LAMA3: variants seen among roughly 807,000 people sequenced by gnomAD.
LAMA3 encodes the protein laminin subunit alpha-3.
LAMA3 carries 281 observed loss-of-function variants against 402.0 expected under a neutral mutation model. The ratio of observed to expected loss-of-function variants is 0.70; its 90% CI spans 0.63 to 0.77. LAMA3 has a LOEUF of 0.77. Ranked by LOEUF, LAMA3 falls within the 30% of genes least tolerant of loss-of-function variation. The pLI is 0.00. For synonymous variants in LAMA3, 1,431 were observed against 1,558.4 expected, an observed-to-expected ratio of 0.92 and a Z score of 1.93; for missense variants, 3,840 against 4,215.5, an observed-to-expected ratio of 0.91 and a Z score of 2.47.
intron 2 of LAMA3, among the ~76,000 whole-genome samples, chr18:23,723,532 A>G (rs534909216): frequency 1.2e-4 from 19 of 152,212 alleles, no homozygotes; most frequent in Non-Finnish European, 2.6e-4. Flanking sequence ...AGCAAAGAAC[A>G]AAGTCTGGAA....
rs571009750 is a variant in LAMA3, at chr18:23,946,244, C to T, written c.9311C>T (p.Ala3104Val). The T allele has an allele frequency of 3.7e-5, 59 of 1,613,864 alleles. No homozygotes were observed. Among genetic ancestry groups the T allele is most frequent in the South Asian group, 2.9e-4 (26 of 91,066 alleles). ...GGAAACTCCACCATCAGCATCAGAG[C>T]GCCAGTTTACCTGGGATCACCTCCA... ...LPGNSTISIR[A>V]PVYLGSPPSG... The change falls in exon 70 of 75, where the codon GCG becomes GTG. Residue 3104 changes from alanine (A) to valine (V), a missense_variant. By Grantham distance (64) the Ala-to-Val change is moderately conservative. Around this residue, in one of 3 missense-constraint regions of LAMA3, gnomAD observed 840 missense variants for 981.9 expected, o/e 0.86. Transcript: ENST00000313654.
At chr18:23,798,827 T>C (rs987172183) in intron 12 of LAMA3, among the ~76,000 whole-genome samples, 12 of 152,222 alleles carry the variant, frequency 7.9e-5, no homozygotes, top group African/African-American at 2.4e-4. Flanking sequence ...TACAAGATCA[T>C]GGGCAATAAG....
chr18:23,936,975 A>T (rs1176431616), intron 67 of LAMA3, among the ~76,000 whole-genome samples: 1 of 152,182 alleles, frequency 6.6e-6, no homozygotes, highest in Non-Finnish European at 1.5e-5. Context: ...AAGATTAAAG[A>T]TTACTAAGCT....
intron 40 of LAMA3, among the ~76,000 whole-genome samples, chr18:23,884,385 G>C (rs886695605): frequency 1.3e-5 from 2 of 151,022 alleles, no homozygotes; most frequent in African/African-American, 4.9e-5. Context: ...CAAGGAGAAC[G>C]TTTTTTTTTA....
chr18:23,950,810 A>G (rs555180173), intron 72 of LAMA3, among the ~76,000 whole-genome samples: 3 of 152,346 alleles, frequency 2.0e-5, no homozygotes, highest in Admixed American at 6.5e-5. Flanking sequence ...GTAGTCTTTA[A>G]TTAAGTCTGA....
rs1287697004 is a variant in LAMA3, at chr18:23,906,120, T to G, written c.6718+496T>G. 1.3e-5 allele frequency among the ~76,000 whole-genome samples: 2 copies of G among 152,164 alleles called. 1 individual carries two copies. The highest frequency in any genetic ancestry group is 4.8e-5 in the African/African-American group (2 of 41,434). On this transcript the variant is annotated intron_variant, in intron 52 of 74. Transcript: ENST00000313654. ...TTATCAATTTCATGTATCCACCCAA[T>G]ATTCTAAATATTCCCCACCTATCAT... is the stretch of plus-strand genomic sequence containing the variant.
intron 63 of LAMA3, 25 bp from the exon 64 acceptor site, chr18:23,928,600 A>T (rs372591389): frequency 1.9e-6 from 3 of 1,611,580 alleles, no homozygotes; most frequent in African/African-American, 2.7e-5. Context: ...CAATGCCAGT[A>T]ATTTATTCCA....
chr18:23,896,940 T>A (rs1410437788), intron 44 of LAMA3, among the ~76,000 whole-genome samples: 1 of 151,938 alleles, frequency 6.6e-6, no homozygotes, highest in Non-Finnish European at 1.5e-5. Context: ...CAAACATTGT[T>A]AGCAGAGAAG....
chr18:23,841,955 A>T (rs957508844), intron 27 of LAMA3, among the ~76,000 whole-genome samples: 1 of 151,962 alleles, frequency 6.6e-6, no homozygotes, highest in African/African-American at 2.4e-5. Flanking sequence ...TCTTTATTGC[A>T]TGGTTATTAT....
intron 35 of LAMA3, among the ~76,000 whole-genome samples, chr18:23,863,217 G>A (rs2064268821): frequency 6.6e-6 from 1 of 152,242 alleles, no homozygotes; most frequent in Non-Finnish European, 1.5e-5. Context: ...GCCGAGACAA[G>A]CGGATCATCT....
rs1406132870 is a variant in LAMA3, at chr18:23,824,455, C to T, written c.2461C>T (p.Pro821Ser). 38 of 1,613,996 alleles carry T rather than the reference C, an allele frequency of 2.4e-5. No individual in the cohort carries two copies. Among genetic ancestry groups the T allele is most frequent in the Non-Finnish European group, 3.1e-5 (36 of 1,179,972 alleles). ...AAQSKEIIFL[P>S]SKEPAFVTVP... is the part of the protein sequence containing the mutation. Reference sequence around the variant, plus strand: ...TCAAAGCAAAGAGATCATCTTCCTGCCGAGTAAGGAGCCAGCCTTTGTCAC... The same window carrying T: ...TCAAAGCAAAGAGATCATCTTCCTGTCGAGTAAGGAGCCAGCCTTTGTCAC... Residue 821 changes from proline to serine, a missense_variant, in exon 21 of 75, where the codon CCG (proline) becomes TCG (serine). Physicochemically the swap from Pro to Ser is moderately conservative, Grantham distance 74. Coordinates refer to ENST00000313654, the MANE Select transcript of LAMA3 (RefSeq NM_198129.4).
chr18:23,826,755 G>A lies in LAMA3; in HGVS notation c.2625G>A (p.Leu875=). ...ACTATGAAGCCTCTGTACTGCAGCT[G>A]CCAGTCACAGAACCATGTGCCTACG... is the stretch of plus-strand genomic sequence containing the variant. ...RDYYEASVLQ[L]PVTEPCAYAG... Residue 875 remains leucine, a synonymous_variant, in exon 22 of 75, where the codon CTG becomes CTA. Coordinates refer to ENST00000313654, the MANE Select transcript of LAMA3 (RefSeq NM_198129.4). 2 of 1,567,638 alleles carry A rather than the reference G, an allele frequency of 1.3e-6. No individual in the cohort carries two copies. The highest frequency in any genetic ancestry group is 2.3e-5 in the South Asian group (2 of 85,226).
intron 56 of LAMA3, 42 bp from the exon 57 acceptor site, chr18:23,914,368 A>C: frequency 6.2e-7 from 1 of 1,612,846 alleles, no homozygotes; most frequent in Non-Finnish European, 8.5e-7. Context: ...GAATTTGAGA[A>C]ACCACAATGT....
intron 58 of LAMA3, 25 bp downstream of exon 58, chr18:23,914,885 A>G: frequency 6.4e-7 from 1 of 1,568,562 alleles, no homozygotes; most frequent in Non-Finnish European, 8.8e-7. Flanking sequence ...TATTTCACTG[A>G]ATTAAATATT....
At chr18:23,772,374 C>T (rs1726973006) in intron 8 of LAMA3, among the ~76,000 whole-genome samples, 2 of 152,098 alleles carry the variant, frequency 1.3e-5, no homozygotes, top group African/African-American at 2.4e-5. Context: ...CTAGTTGTGT[C>T]GTTGTTATGT....
At chr18:23,748,182 A>G (rs1463878956) in intron 3 of LAMA3, 122 bp downstream of exon 3, 1 of 757,242 alleles carries the variant, frequency 1.3e-6, no homozygotes, top group African/African-American at 1.7e-5. Flanking sequence ...TAATCCCAGC[A>G]TTTTGGAAGG....
Position 23,847,565 on chromosome 18 carries a change from T to C in LAMA3, c.4033T>C (p.Phe1345Leu), listed in dbSNP as rs772175002. Reference sequence around the variant, plus strand: ...GTGTGAGGTGTGTGAGACACACTCATTCAGCTTCCACCCCATGGCCGGCTG... The same window carrying C: ...GTGTGAGGTGTGTGAGACACACTCACTCAGCTTCCACCCCATGGCCGGCTG... ...PQCEVCETHS[F>L]SFHPMAGCEG... Residue 1345 changes from phenylalanine to leucine, a missense_variant, in exon 32 of 75, where the codon TTC (phenylalanine) becomes CTC (leucine). Physicochemically the swap from Phe to Leu is conservative, Grantham distance 22 (BLOSUM62 0). Coordinates refer to ENST00000313654, the MANE Select transcript of LAMA3 (RefSeq NM_198129.4). 6.2e-7 allele frequency: 1 copy of C among 1,614,102 alleles called. No individual in the cohort carries two copies. The highest frequency in any genetic ancestry group is 2.2e-5 in the East Asian group (1 of 44,886).
chr18:23,816,423 A>G lies in LAMA3; in HGVS notation c.2083A>G (p.Met695Val). The G allele has an allele frequency of 6.2e-7, 1 of 1,614,068 alleles. No homozygotes were observed. Among genetic ancestry groups the G allele is most frequent in the Non-Finnish European group, 8.5e-7 (1 of 1,180,000 alleles). Residue 695 changes from methionine to valine, a missense_variant, in exon 18 of 75, where the codon ATG becomes GTG. Physicochemically the swap from Met to Val is conservative, Grantham distance 21. Coordinates refer to ENST00000313654, the MANE Select transcript of LAMA3 (RefSeq NM_198129.4). ...QCDIGGALSS[M>V]CSGPSGVCQC... ...TGACATTGGTGGGGCATTGTCCTCC[A>G]TGTGCAGTGGGCCCTCGGGAGTGTG...
Position 23,858,819 on chromosome 18 carries a change from G to A in LAMA3, c.4412G>A (p.Arg1471Gln), listed in dbSNP as rs1005920516. ...VNNQCHSSHKRRTKFVDMLGW... is the reference protein window; with the variant it reads ...VNNQCHSSHKQRTKFVDMLGW... ...AATCAATGTCACAGCTCACATAAGCGAAGGACTAAGGTATGCATTGACAGA... is the reference window on the plus strand; with the variant it reads ...AATCAATGTCACAGCTCACATAAGCAAAGGACTAAGGTATGCATTGACAGA... The change falls in exon 34 of 75, where the codon CGA (arginine) becomes CAA (glutamine). Residue 1471 changes from arginine to glutamine, a missense_variant. Transcript: ENST00000313654. 2.0e-5 allele frequency: 33 copies of A among 1,614,002 alleles called. No homozygotes were observed. The highest frequency in any genetic ancestry group is 2.5e-5 in the Non-Finnish European group (30 of 1,179,992).
Sources: allele counts gnomAD v4.1 joint callset (sites outside exome capture counted in the v4.1 genomes callset), GRCh38; gene constraint gnomAD v4.1.1; regional missense constraint gnomAD v4.1.1; transcripts MANE v1.5; gene names NCBI Gene and HGNC (gene_info 2026-07-23, HGNC 2026-07-21).